ZNF638: variants seen among roughly 807,000 people sequenced by gnomAD.
ZNF638 encodes zinc finger protein 638, also known as CTCL tumor antigen se33-1.
Under a neutral mutation model 195.6 loss-of-function variants are expected in ZNF638, and 46 were observed. That is an observed-to-expected ratio of 0.24 (90% confidence interval 0.19 to 0.30). The LOEUF (loss-of-function observed/expected upper bound fraction) is 0.30. Among genes scored for constraint, ZNF638 ranks in the 10% least tolerant of loss-of-function variants. The pLI, the probability that ZNF638 is intolerant of heterozygous loss-of-function variation, is 1.00. For missense variants in ZNF638, 2,440 were observed against 2,325.3 expected, an observed-to-expected ratio of 1.05 and a Z score of -1.01; for synonymous variants, 845 against 772.0, an observed-to-expected ratio of 1.09 and a Z score of -1.57.
intron 8 of ZNF638, among the ~76,000 whole-genome samples, chr2:71,374,349 C>T (rs2079378330): frequency 6.6e-6 from 1 of 152,188 alleles, no homozygotes; most frequent in African/African-American, 2.4e-5. Flanking sequence ...GTTTCATACT[C>T]TTCTGTTGTG....
intron 10 of ZNF638, among the ~76,000 whole-genome samples, chr2:71,392,538 G>C (rs1028580827): frequency 6.6e-6 from 1 of 152,052 alleles, no homozygotes; most frequent in African/African-American, 2.4e-5. Flanking sequence ...ACCTTTTCTT[G>C]GACTTCAGCA....
intron 8 of ZNF638, among the ~76,000 whole-genome samples, chr2:71,379,194 A>C (rs1446897973): frequency 2.0e-5 from 3 of 152,236 alleles, no homozygotes; most frequent in Non-Finnish European, 2.9e-5. Context: ...TTGAGATGTC[A>C]CAGTGCTATG....
intron 8 of ZNF638, chr2:71,379,930 A>G (rs2079505214): frequency 2.2e-5 from 4 of 181,392 alleles, no homozygotes; most frequent in Admixed American, 1.2e-4. Flanking sequence ...ATATACAGGA[A>G]AAAAAACATA....
At chr2:71,382,110 A>C (rs556292173) in intron 10 of ZNF638, among the ~76,000 whole-genome samples, 1 of 152,268 alleles carries the variant, frequency 6.6e-6, no homozygotes, top group Non-Finnish European at 1.5e-5. Flanking sequence ...AAAATTTCCA[A>C]GTTTCAGTCC....
intron 6 of ZNF638, among the ~76,000 whole-genome samples, chr2:71,367,001 G>A (rs2079211895): frequency 6.6e-6 from 1 of 152,022 alleles, no homozygotes; most frequent in African/African-American, 2.4e-5. Context: ...GGAATGCATT[G>A]CTCTCAACAG....
intron 10 of ZNF638, among the ~76,000 whole-genome samples, chr2:71,390,607 G>A (rs922025962): frequency 6.6e-6 from 1 of 152,166 alleles, no homozygotes; most frequent in Non-Finnish European, 1.5e-5. Context: ...GAAAGAGGAA[G>A]GGAAGTTTTG....
In ZNF638 at chr2:71,424,758, C is replaced by T. The variant is rs372666809; in HGVS notation, c.4590+43C>T. 804 of 1,467,052 alleles carry T rather than the reference C, an allele frequency of 5.5e-4. 5 individuals carry two copies. Among genetic ancestry groups the T allele is most frequent in the Middle Eastern group, 1.2e-3 (7 of 5,748 alleles). The allele number at this position is 1,467,052 out of a possible 1,614,324, so 90.9% of individuals were successfully genotyped here. A position where few individuals can be genotyped will look rare whatever the true frequency, so the allele number is the denominator to read the frequency against. On this transcript the variant is annotated intron_variant, in intron 23 of 27. Transcript: ENST00000264447. Reference sequence around the variant, plus strand: ...GACCCTAACCCTTCTTTTTCATCTCCATAGCACAGTTCATCTATCTTATAA... The same window carrying T: ...GACCCTAACCCTTCTTTTTCATCTCTATAGCACAGTTCATCTATCTTATAA...
At chr2:71,419,085 A>G (rs2080366686) in intron 21 of ZNF638, among the ~76,000 whole-genome samples, 4 of 152,184 alleles carry the variant, frequency 2.6e-5, no homozygotes, top group South Asian at 4.1e-4. Flanking sequence ...GCGAGTAAGT[A>G]TTTGTCCAAA....
chr2:71,408,004 A>G lies in ZNF638; in HGVS notation c.3136-118A>G, dbSNP rs116077892. 1.5e-4 allele frequency: 137 copies of G among 885,780 alleles called. No homozygotes were observed. The African/African-American group carries it at 2.2e-3, about 14-fold the overall frequency. The allele number at this position is 885,780 out of a possible 1,614,324, so 54.9% of individuals were successfully genotyped here. On this transcript the variant is annotated intron_variant, in intron 19 of 27. Transcript: ENST00000264447. The stretch of plus-strand genomic sequence containing the variant: ...ACATGGGTGTACAAATACATGTTTA[A>G]GTATCGGCTTTCATTCCTTTTAGGT...
intron 24 of ZNF638, among the ~76,000 whole-genome samples, chr2:71,427,633 A>G (rs1245755772): frequency 2.0e-5 from 3 of 152,196 alleles, no homozygotes; most frequent in African/African-American, 4.8e-5. Context: ...TTATGCTTCA[A>G]GAAAGGATGA....
intron 3 of ZNF638, among the ~76,000 whole-genome samples, chr2:71,362,211 G>C (rs1313460123): frequency 1.3e-5 from 2 of 150,614 alleles, no homozygotes; most frequent in African/African-American, 2.4e-5. Flanking sequence ...TTTTTTCTTT[G>C]CTTTACTCTA....
At chr2:71,392,329 C>A (rs1381528884) in intron 10 of ZNF638, among the ~76,000 whole-genome samples, 1 of 152,160 alleles carries the variant, frequency 6.6e-6, no homozygotes, top group African/African-American at 2.4e-5. Flanking sequence ...AATGGAAAAG[C>A]GGCTATTTGG....
intron 21 of ZNF638, among the ~76,000 whole-genome samples, chr2:71,421,671 C>T (rs997438311): frequency 1.3e-5 from 2 of 152,148 alleles, no homozygotes; most frequent in Non-Finnish European, 2.9e-5. Flanking sequence ...TCATCCTCTC[C>T]TTCCTTAAAA....
intron 10 of ZNF638, chr2:71,388,405 G>A (rs748149609): frequency 8.9e-5 from 59 of 662,586 alleles, no homozygotes; most frequent in African/African-American, 1.2e-4. Context: ...TTGATCATCC[G>A]CGTGCAGGAC....
At chr2:71,371,045 C>G (rs1353528759) in intron 8 of ZNF638, among the ~76,000 whole-genome samples, 2 of 151,998 alleles carry the variant, frequency 1.3e-5, no homozygotes. Flanking sequence ...TTTTAGAGCC[C>G]ACAAATTGTG....
In ZNF638 at chr2:71,365,650, G is replaced by C. The variant is rs1184636823; in HGVS notation, c.1939G>C (p.Asp647His). The C allele has an allele frequency of 6.2e-7, 1 of 1,614,072 alleles. No homozygotes were observed. Among genetic ancestry groups the C allele is most frequent in the African/African-American group, 1.3e-5 (1 of 75,064 alleles). The change falls in exon 6 of 28, where the codon GAC (aspartate) becomes CAC (histidine). Residue 647 changes from aspartate to histidine, a missense_variant. Asp to His is a moderately conservative substitution (Grantham distance 81, BLOSUM62 -1). Coordinates refer to ENST00000264447, the MANE Select transcript of ZNF638 (RefSeq NM_014497.5). Reference sequence around the variant, plus strand: ...TTGTAAATCAAAGAATCTTGAAGATGACACTTTGTCAGAATGTAAACAGGT... The same window carrying C: ...TTGTAAATCAAAGAATCTTGAAGATCACACTTTGTCAGAATGTAAACAGGT... ...IRCKSKNLED[D>H]TLSECKQVSD...
chr2:71,408,902 T>C (rs2080157475), intron 20 of ZNF638: 1 of 197,344 alleles, frequency 5.1e-6, no homozygotes, highest in Non-Finnish European at 1.1e-5. Context: ...TAAGTAAATG[T>C]ATTATGATAG....
At position 71,423,909 on chromosome 2, in the gene ZNF638, A is replaced by G. The variant is rs760343331; in HGVS notation, c.4395A>G (p.Arg1465=). The part of the protein sequence containing the change: ...KFKPTQSSLT[R]GGSGRISALQ... ...AACCTACTCAGAGCAGTCTTACCAG[A>G]GGAGGCAGTGGAAGGATCTCAGCCC... is the stretch of plus-strand genomic sequence containing the variant. The change falls in exon 22 of 28, where the codon AGA becomes AGG. Residue 1465 remains arginine (R), a synonymous_variant. Transcript: ENST00000264447. The G allele has an allele frequency of 2.5e-6, 4 of 1,613,964 alleles. No homozygotes were observed. Among genetic ancestry groups the G allele is most frequent in the Non-Finnish European group, 3.4e-6 (4 of 1,180,026 alleles).
At chr2:71,393,448 C>T in intron 10 of ZNF638, 1 of 718,440 alleles carries the variant, frequency 1.4e-6, no homozygotes, top group Non-Finnish European at 2.6e-6. Context: ...GTGGCTAGGA[C>T]CCAACACAGT....
Sources: allele counts gnomAD v4.1 joint callset (sites outside exome capture counted in the v4.1 genomes callset), GRCh38; gene constraint gnomAD v4.1.1; transcripts MANE v1.5; gene names NCBI Gene and HGNC (gene_info 2026-07-23, HGNC 2026-07-21).